Variants in KIF14 observed in about 807,000 individuals in gnomAD.
KIF14 encodes kinesin family member 14.
A neutral mutation model predicts 176.2 loss-of-function variants in KIF14; 98 were observed. The observed-to-expected ratio is 0.56, with a 90% CI of 0.47 to 0.66. KIF14 has a LOEUF of 0.66. Ranked by LOEUF, KIF14 falls within the 30% of genes least tolerant of loss-of-function variation. The probability of loss-of-function intolerance (pLI) is 0.00; values close to 1 mark genes in which losing one functional copy is unlikely to be tolerated. For missense variants in KIF14, 1,751 were observed against 1,920.4 expected, an observed-to-expected ratio of 0.91 and a Z score of 1.65; for synonymous variants, 566 against 632.2, an observed-to-expected ratio of 0.90 and a Z score of 1.57.
intron 25 of KIF14, among the ~76,000 whole-genome samples, chr1:200,563,767 G>T (rs2102585394): frequency 6.6e-6 from 1 of 152,210 alleles, no homozygotes; most frequent in East Asian, 1.9e-4. Flanking sequence ...TATGGTAGAT[G>T]ACTAAGTATT....
intron 18 of KIF14, among the ~76,000 whole-genome samples, chr1:200,587,744 G>A (rs1056424262): frequency 6.6e-6 from 1 of 152,136 alleles, no homozygotes; most frequent in South Asian, 2.1e-4. Flanking sequence ...GGAAGGCGGA[G>A]GTTGCAGTGA....
chr1:200,589,344 A>AT lies in KIF14; in HGVS notation c.2986dup (p.Met996AsnfsTer6), dbSNP rs1164624349. The AT allele has an allele frequency of 1.2e-6, 2 of 1,608,728 alleles. No homozygotes were observed. Among genetic ancestry groups the AT allele is most frequent in the Non-Finnish European group, 1.7e-6 (2 of 1,176,896 alleles). On this transcript the variant is annotated frameshift_variant, in exon 18 of 30. Transcript: ENST00000367350. LOFTEE classifies it high-confidence loss of function. ...AGCCTTCTGGTTATTTATTTCCTGC[A>AT]TTTTTTTCCTTTGAGACTCTTCTCT... is the stretch of plus-strand genomic sequence containing the variant.
At position 200,569,944 on chromosome 1, in the gene KIF14, G is replaced by A. The variant is rs1434801536; in HGVS notation, c.3628C>T (p.Pro1210Ser). Residue 1210 changes from proline to serine, a missense_variant, in exon 23 of 30, where the codon CCA becomes TCA. Physicochemically the swap from Pro to Ser is moderately conservative, Grantham distance 74. Transcript: ENST00000367350. ...SGCLHDIQVH[P>S]IKNLHSSHSS... ...TGTGAAGAATGCAAATTCTTAATTG[G>A]ATGGACTTGTATGTCATGTAAACAA... The A allele has an allele frequency of 1.0e-5, 16 of 1,600,928 alleles. No homozygotes were observed. The highest frequency in any genetic ancestry group is 1.3e-5 in the Non-Finnish European group (15 of 1,171,420).
At chr1:200,554,030 T>C (rs1656698583) in intron 29 of KIF14, among the ~76,000 whole-genome samples, 1 of 152,192 alleles carries the variant, frequency 6.6e-6, no homozygotes, top group South Asian at 2.1e-4. Context: ...GGGTAACTAA[T>C]ATCAGTGAAG....
At chr1:200,560,586 T>C (rs1657085570) in intron 26 of KIF14, 136 bp downstream of exon 26, 1 of 986,568 alleles carries the variant, frequency 1.0e-6, no homozygotes, top group African/African-American at 1.6e-5. Flanking sequence ...CAGTTTTAAA[T>C]CTTATTGCAA....
intron 23 of KIF14, among the ~76,000 whole-genome samples, chr1:200,568,453 G>A (rs889240985): frequency 1.3e-5 from 2 of 152,124 alleles, no homozygotes; most frequent in African/African-American, 4.8e-5. Context: ...AAGTCAAGAT[G>A]AGATATAATA....
intron 20 of KIF14, 119 bp from the exon 21 acceptor site, chr1:200,580,502 A>G: frequency 2.2e-6 from 1 of 444,970 alleles, no homozygotes; most frequent in South Asian, 9.6e-5. Flanking sequence ...AAGTCTTTCC[A>G]CAGTTAAGTA....
At chr1:200,612,181 T>G (rs1331446450) in intron 4 of KIF14, among the ~76,000 whole-genome samples, 1 of 152,030 alleles carries the variant, frequency 6.6e-6, no homozygotes, top group African/African-American at 2.4e-5. Flanking sequence ...TTTTGTATTC[T>G]TAGTAGAGAC....
intron 27 of KIF14, among the ~76,000 whole-genome samples, chr1:200,558,633 T>G (rs980758222): frequency 6.6e-6 from 1 of 152,208 alleles, no homozygotes; most frequent in Non-Finnish European, 1.5e-5. Context: ...TTACCACTGT[T>G]ACATGTAAAG....
intron 22 of KIF14, among the ~76,000 whole-genome samples, chr1:200,572,576 C>G (rs1202639035): frequency 6.6e-6 from 1 of 152,116 alleles, no homozygotes; most frequent in East Asian, 1.9e-4. Context: ...ATCTCCTGAC[C>G]TTGTGATCCG....
chr1:200,603,993 T>C, intron 8 of KIF14, 38 bp from the exon 9 acceptor site: 1 of 1,237,136 alleles, frequency 8.1e-7, no homozygotes, highest in Non-Finnish European at 1.2e-6. Context: ...TAAGTTCTAT[T>C]ACTTCCAATC....
Position 200,553,665 on chromosome 1 carries a change from C to T in KIF14, c.4670G>A (p.Gly1557Asp), listed in dbSNP as rs1161479183. Reference sequence around the variant, plus strand: ...GTGAGTTACTCTACTCTCATAGCTGCCAACAGAAGTAGAAGGCACACTGAA... The same window carrying T: ...GTGAGTTACTCTACTCTCATAGCTGTCAACAGAAGTAGAAGGCACACTGAA... ...SDFSVPSTSV[G>D]SYESRVTHIV... Residue 1557 changes from glycine to aspartate, a missense_variant, in exon 30 of 30, where the codon GGC becomes GAC. Coordinates refer to ENST00000367350, the MANE Select transcript of KIF14 (RefSeq NM_014875.3). The T allele has an allele frequency of 4.3e-6, 7 of 1,613,848 alleles. 1 individual carries two copies. The East Asian group carries it at 8.9e-5, about 21-fold the overall frequency.
intron 23 of KIF14, among the ~76,000 whole-genome samples, chr1:200,569,447 G>C (rs907400963): frequency 6.6e-6 from 1 of 152,158 alleles, no homozygotes; most frequent in Non-Finnish European, 1.5e-5. Flanking sequence ...AGGGGATGCA[G>C]TGAAAAGGGT....
chr1:200,620,551 T>A lies in KIF14; in HGVS notation c.-256A>T, dbSNP rs114897370. ...CCCCTTCGCCGCCGACCTGGAATGC[T>A]GAGGAACTGAATGGGGGACTGGAGC... On this transcript the variant is annotated 5_prime_UTR_variant, in exon 1 of 30. Transcript: ENST00000367350. The A allele has an allele frequency of 6.6e-6, 1 of 152,352 alleles. No individual in the cohort carries two copies. Among genetic ancestry groups the A allele is most frequent in the South Asian group, 2.1e-4 (1 of 4,834 alleles). The allele number at this position is 152,352 out of a possible 1,614,324, so 9.4% of individuals were successfully genotyped here.
At chr1:200,615,041 T>C (rs897826996) in intron 3 of KIF14, among the ~76,000 whole-genome samples, 1 of 152,202 alleles carries the variant, frequency 6.6e-6, no homozygotes, top group Non-Finnish European at 1.5e-5. Context: ...CTAGCTTAGA[T>C]GCCTTACTTT....
intron 1 of KIF14, among the ~76,000 whole-genome samples, chr1:200,619,831 T>G (rs1187943334): frequency 1.3e-5 from 2 of 152,224 alleles, no homozygotes; most frequent in Non-Finnish European, 2.9e-5. Flanking sequence ...AGACAACAAA[T>G]TAGACAGAGG....
Position 200,554,460 on chromosome 1 carries a change from A to G in KIF14, c.4567+8T>C. On this transcript the variant is annotated splice_region_variant and intron_variant, in intron 29 of 29. Coordinates refer to ENST00000367350, the MANE Select transcript of KIF14 (RefSeq NM_014875.3). ...TTCTGATTATAAACTCCATTTGGAG[A>G]ATCATACCTTTCAGTGCAGAAATAA... The G allele has an allele frequency of 6.7e-7, 1 of 1,493,796 alleles. No homozygotes were observed. The highest frequency in any genetic ancestry group is 1.9e-5 in the Admixed American group (1 of 52,940). 92.5% of individuals were successfully genotyped at this position (1,493,796 alleles called of 1,614,324 possible). A position where few individuals can be genotyped will look rare whatever the true frequency, so the allele number is the denominator to read the frequency against.
Position 200,590,844 on chromosome 1 carries a change from G to C in KIF14, c.2814-572C>G, listed in dbSNP as rs137964785. Among the ~76,000 whole-genome samples the C allele has an allele frequency of 7.2e-4, 110 of 152,230 alleles. 1 individual carries two copies. In the East Asian group the frequency reaches 0.018, roughly 24 times the overall value. ...GTTCGAGACCAGCCTGGGCAACATG[G>C]TGAAACCCCATCTCTACAAAAAAAT... On this transcript the variant is annotated intron_variant, in intron 16 of 29. Transcript: ENST00000367350.
At chr1:200,600,850 G>A (rs1277106523) in intron 11 of KIF14, among the ~76,000 whole-genome samples, 1 of 152,094 alleles carries the variant, frequency 6.6e-6, no homozygotes, top group African/African-American at 2.4e-5. Context: ...TCACTAGGCA[G>A]AACAGCCAAG....
Sources: gnomAD v4.1 joint callset for allele counts (sites outside exome capture counted in the v4.1 genomes callset) on GRCh38, gnomAD v4.1.1 for gene constraint, MANE v1.5 for transcripts, NCBI Gene and HGNC (gene_info 2026-07-23, HGNC 2026-07-21) for gene names.